TBX19: variants seen among roughly 807,000 people sequenced by gnomAD.
TBX19 encodes the protein T-box transcription factor 19.
A neutral mutation model predicts 40.9 loss-of-function variants in TBX19; 33 were observed. The observed-to-expected ratio is 0.81, with a 90% CI of 0.61 to 1.08. The LOEUF (loss-of-function observed/expected upper bound fraction) is 1.08, where lower values mean the gene tolerates loss of function less well. Ranked by LOEUF, TBX19 falls within the 50% of genes least tolerant of loss-of-function variation. The pLI is 0.00. For synonymous variants in TBX19, 220 were observed against 225.0 expected, an observed-to-expected ratio of 0.98 and a Z score of 0.20; for missense variants, 494 against 574.0, an observed-to-expected ratio of 0.86 and a Z score of 1.42.
intron 7 of TBX19, among the ~76,000 whole-genome samples, chr1:168,311,885 A>G (rs191181025): frequency 6.6e-6 from 1 of 152,260 alleles, no homozygotes; most frequent in East Asian, 1.9e-4. Context: ...GATCAGTTCA[A>G]TCAGAATCTC....
chr1:168,307,662 G>C (rs535508221), intron 6 of TBX19, among the ~76,000 whole-genome samples: 1 of 150,730 alleles, frequency 6.6e-6, no homozygotes, highest in South Asian at 2.1e-4. Context: ...CCCTCCCTCT[G>C]CCTTCTTCCT....
chr1:168,300,248 AGAGACAGCACCCC>A (rs1649243515), intron 4 of TBX19, among the ~76,000 whole-genome samples, 161 bp from the exon 5 acceptor site: 1 of 152,144 alleles, frequency 6.6e-6, no homozygotes, highest in Non-Finnish European at 1.5e-5. Context: ...TTGCACAAGT[AGAGACAGCACCCC>A]GAAGGAAGGA....
chr1:168,293,358 GC>G, intron 3 of TBX19, 80 bp downstream of exon 3: 1 of 1,490,312 alleles, frequency 6.7e-7, no homozygotes, highest in South Asian at 1.2e-5. Context: ...GGCAGGATGG[GC>G]GGGGGGGGTC....
chr1:168,288,385 A>T (rs1261530795), intron 1 of TBX19, among the ~76,000 whole-genome samples: 2 of 152,152 alleles, frequency 1.3e-5, no homozygotes, highest in East Asian at 3.9e-4. Flanking sequence ...GCCTGACTGT[A>T]CATGATAACT....
intron 6 of TBX19, chr1:168,307,965 A>T (rs889855734): frequency 2.0e-5 from 3 of 152,132 alleles, no homozygotes; most frequent in South Asian, 2.1e-4. Flanking sequence ...CTCTAGACTT[A>T]TTCATCCTAC....
chr1:168,309,105 G>A (rs1649469475), intron 7 of TBX19, among the ~76,000 whole-genome samples: 1 of 152,180 alleles, frequency 6.6e-6, no homozygotes, highest in Non-Finnish European at 1.5e-5. Context: ...GGGTGCAGTG[G>A]CTCACACCTG....
At chr1:168,310,660 T>TTATA (rs949369102) in intron 7 of TBX19, among the ~76,000 whole-genome samples, 1 of 142,652 alleles carries the variant, frequency 7.0e-6, no homozygotes, top group African/African-American at 2.8e-5. Context: ...TCCCAGTTTT[T>TTATA]TATATATATA....
At chr1:168,286,166 T>C (rs1321773266) in intron 1 of TBX19, among the ~76,000 whole-genome samples, 1 of 152,238 alleles carries the variant, frequency 6.6e-6, no homozygotes, top group African/African-American at 2.4e-5. Context: ...CAATTAATCA[T>C]TCTACCATTT....
intron 3 of TBX19, among the ~76,000 whole-genome samples, chr1:168,295,128 TAAAAATAC>T (rs1649068515): frequency 6.6e-6 from 1 of 151,962 alleles, no homozygotes; most frequent in Admixed American, 6.6e-5. Flanking sequence ...CCGTCTCCAC[TAAAAATAC>T]AAAAATTAGC....
intron 5 of TBX19, 40 bp downstream of exon 5, chr1:168,300,523 G>C (rs1339468342): frequency 6.3e-7 from 1 of 1,590,570 alleles, no homozygotes; most frequent in East Asian, 2.2e-5. Flanking sequence ...GCGTGGGGCT[G>C]TACCTGGAGC....
rs1324359220 is a variant in TBX19 at position 168,312,832 on chromosome 1, T to C, written c.1177T>C (p.Ser393Pro). 3 of 1,614,246 alleles carry C rather than the reference T, an allele frequency of 1.9e-6. No individual in the cohort carries two copies. In the South Asian group the frequency reaches 3.3e-5, roughly 18 times the overall value. The change falls in exon 8 of 8, where the codon TCT becomes CCT. Residue 393 changes from serine (S) to proline (P), a missense_variant. By Grantham distance (74) the Ser-to-Pro change is moderately conservative (BLOSUM62 -1). This residue lies in a region of TBX19 where 284 missense variants were observed against 307.3 expected (regional missense o/e 0.92). Coordinates refer to ENST00000367821, the MANE Select transcript of TBX19 (RefSeq NM_005149.3). ...AAACCCAGCTGTGACTTCACCCCCT[T>C]CTGTGCTCTCCACCCAAGCACCCAC... ...LGNPAVTSPP[S>P]VLSTQAPTSA...
chr1:168,282,575 A>G (rs1648687895), intron 1 of TBX19, among the ~76,000 whole-genome samples: 1 of 152,198 alleles, frequency 6.6e-6, no homozygotes, highest in African/African-American at 2.4e-5. Flanking sequence ...TACTGTAATT[A>G]TAGTTCCTTC....
In TBX19 at chr1:168,291,207, A is replaced by G. The variant is rs773239671; in HGVS notation, c.251A>G (p.Asn84Ser). ...LKISVTGLDP[N>S]AMYSLLLDFV... ...ATTAGTGTCACAGGGTTGGACCCCAATGCCATGTACTCCCTCCTGCTGGAC... is the reference window on the plus strand; with the variant it reads ...ATTAGTGTCACAGGGTTGGACCCCAGTGCCATGTACTCCCTCCTGCTGGAC... Residue 84 changes from asparagine (N) to serine (S), a missense_variant, in exon 2 of 8, where the codon AAT becomes AGT. Asn to Ser is a conservative substitution (Grantham distance 46). Coordinates refer to ENST00000367821, the MANE Select transcript of TBX19 (RefSeq NM_005149.3). 2.5e-6 allele frequency: 4 copies of G among 1,614,082 alleles called. No individual in the cohort carries two copies. The African/African-American group carries it at 4.0e-5, about 16-fold the overall frequency.
At chr1:168,311,776 C>T (rs1259829880) in intron 7 of TBX19, among the ~76,000 whole-genome samples, 1 of 152,158 alleles carries the variant, frequency 6.6e-6, no homozygotes, top group Non-Finnish European at 1.5e-5. Flanking sequence ...GGGTTCATTG[C>T]ACCTGTTCCA....
chr1:168,293,366 G>GA, intron 3 of TBX19, 88 bp downstream of exon 3: 1 of 1,478,528 alleles, frequency 6.8e-7, no homozygotes, highest in Non-Finnish European at 9.1e-7. Context: ...GGGCGGGGGG[G>GA]GTCCTTTTAG....
chr1:168,291,075 A>T (rs768769732), intron 1 of TBX19, 85 bp from the exon 2 acceptor site: 1 of 1,584,866 alleles, frequency 6.3e-7, no homozygotes, highest in Non-Finnish European at 8.7e-7. Context: ...ATTCCGTGGA[A>T]GGTCTCAGTA....
chr1:168,307,886 A>G (rs1295475644), intron 6 of TBX19: 2 of 152,120 alleles, frequency 1.3e-5, no homozygotes, highest in Non-Finnish European at 2.9e-5. Flanking sequence ...CCTGAAATCT[A>G]TTCTCTTAGC....
rs190403730 is a variant in TBX19 at position 168,308,729 on chromosome 1, T to G, written c.917-13T>G. The stretch of plus-strand genomic sequence containing the variant: ...ACATTTGCTATCAATTCAACTGTTG[T>G]TATTTCCCCAAGTGAATTTGATAGA... On this transcript the variant is annotated splice_polypyrimidine_tract_variant and intron_variant, in intron 6 of 7. Coordinates refer to ENST00000367821, the MANE Select transcript of TBX19 (RefSeq NM_005149.3). 6.6e-5 allele frequency: 106 copies of G among 1,614,144 alleles called. No individual in the cohort carries two copies. The Admixed American group carries it at 1.7e-3, about 26-fold the overall frequency.
chr1:168,305,522 G>A (rs1473269483), intron 6 of TBX19, among the ~76,000 whole-genome samples: 3 of 152,160 alleles, frequency 2.0e-5, no homozygotes, highest in Non-Finnish European at 2.9e-5. Flanking sequence ...CAAGTTGTGT[G>A]GGTCTGAAAC....
Sources: allele counts gnomAD v4.1 joint callset (sites outside exome capture counted in the v4.1 genomes callset), GRCh38; gene constraint gnomAD v4.1.1; regional missense constraint gnomAD v4.1.1; transcripts MANE v1.5; gene names NCBI Gene and HGNC (gene_info 2026-07-23, HGNC 2026-07-21).